Variants in NKAIN2 observed in about 807,000 individuals in gnomAD.
NKAIN2 encodes sodium/potassium transporting ATPase interacting 2.
Under a neutral mutation model 32.6 loss-of-function variants are expected in NKAIN2, and 14 were observed. The ratio of observed to expected loss-of-function variants is 0.43; its 90% CI spans 0.28 to 0.67. NKAIN2 has a LOEUF of 0.67. Ranked by LOEUF, NKAIN2 falls within the 30% of genes least tolerant of loss-of-function variation. The pLI is 0.17. For missense variants in NKAIN2, 198 were observed against 258.3 expected, an observed-to-expected ratio of 0.77 and a Z score of 1.60; for synonymous variants, 80 against 87.2, an observed-to-expected ratio of 0.92 and a Z score of 0.46.
intron 1 of NKAIN2, among the ~76,000 whole-genome samples, chr6:124,117,338 T>C (rs1034551237): frequency 1.3e-5 from 2 of 152,156 alleles, no homozygotes; most frequent in Admixed American, 1.3e-4. Context: ...TCTGTTTGAT[T>C]GATAGCATCT....
intron 1 of NKAIN2, among the ~76,000 whole-genome samples, chr6:123,984,177 GA>G (rs1368701646): frequency 5.3e-5 from 8 of 152,252 alleles, no homozygotes; most frequent in Non-Finnish European, 1.0e-4. Flanking sequence ...AAAGTTCTGG[GA>G]TTACAGGCGT....
intron 3 of NKAIN2, among the ~76,000 whole-genome samples, chr6:124,387,998 A>C (rs558591993): frequency 6.6e-6 from 1 of 152,194 alleles, no homozygotes; most frequent in South Asian, 2.1e-4. Context: ...AGAAGGTGCT[A>C]CTATCATGTA....
At chr6:124,069,117 G>A (rs1207231191) in intron 1 of NKAIN2, among the ~76,000 whole-genome samples, 1 of 152,074 alleles carries the variant, frequency 6.6e-6, no homozygotes, top group African/African-American at 2.4e-5. Context: ...GGAATTCTGA[G>A]TAACCATTCT....
At chr6:123,827,152 T>C (rs969011747) in intron 1 of NKAIN2, among the ~76,000 whole-genome samples, 1 of 152,302 alleles carries the variant, frequency 6.6e-6, no homozygotes, top group Admixed American at 6.5e-5. Flanking sequence ...TATGGAGAAA[T>C]GTCTATTCAA....
intron 3 of NKAIN2, among the ~76,000 whole-genome samples, chr6:124,359,360 G>A (rs1256570913): frequency 1.3e-5 from 2 of 152,116 alleles, no homozygotes. Flanking sequence ...AATTACCTTG[G>A]GCAGTATGGC....
At chr6:124,197,153 TTGTC>T (rs936648860) in intron 1 of NKAIN2, among the ~76,000 whole-genome samples, 29 of 152,054 alleles carry the variant, frequency 1.9e-4, no homozygotes, top group South Asian at 2.1e-4. Context: ...ATTATAGTCT[TTGTC>T]TGCTATTTCC....
At chr6:124,525,911 T>C (rs1401433617) in intron 3 of NKAIN2, among the ~76,000 whole-genome samples, 2 of 152,080 alleles carry the variant, frequency 1.3e-5, no homozygotes, top group Admixed American at 6.6e-5. Flanking sequence ...TAAGAAAACT[T>C]ACCAAGCTTC....
intron 1 of NKAIN2, among the ~76,000 whole-genome samples, chr6:124,181,181 C>T (rs1425378325): frequency 6.6e-6 from 1 of 152,102 alleles, no homozygotes; most frequent in Non-Finnish European, 1.5e-5. Context: ...AACCATGGCC[C>T]CAGCTGCACC....
At chr6:123,883,039 A>T (rs1462843225) in intron 1 of NKAIN2, among the ~76,000 whole-genome samples, 1 of 152,078 alleles carries the variant, frequency 6.6e-6, no homozygotes, top group Non-Finnish European at 1.5e-5. Flanking sequence ...GTCCTTGCCC[A>T]AATCTCATGT....
chr6:124,694,793 T>C (rs1774418840), intron 4 of NKAIN2, among the ~76,000 whole-genome samples: 1 of 152,196 alleles, frequency 6.6e-6, no homozygotes, highest in South Asian at 2.1e-4. Context: ...AATTGATTTT[T>C]TTACCTAGAA....
chr6:124,042,354 G>A (rs1781908706), intron 1 of NKAIN2, among the ~76,000 whole-genome samples: 1 of 152,024 alleles, frequency 6.6e-6, no homozygotes. Flanking sequence ...CCTCCAGACT[G>A]ACAAATGGTT....
intron 3 of NKAIN2, among the ~76,000 whole-genome samples, chr6:124,500,464 C>G (rs1778243476): frequency 6.6e-6 from 1 of 151,958 alleles, no homozygotes; most frequent in South Asian, 2.1e-4. Context: ...GCCTGGCCAA[C>G]ATGGTGAAAC....
At chr6:124,752,000 A>C (rs550671991) in intron 4 of NKAIN2, among the ~76,000 whole-genome samples, 1 of 151,956 alleles carries the variant, frequency 6.6e-6, no homozygotes, top group African/African-American at 2.4e-5. Flanking sequence ...AACCAACCAA[A>C]CAAAAACCCA....
At chr6:124,806,236 A>G (rs1780549519) in intron 5 of NKAIN2, among the ~76,000 whole-genome samples, 1 of 152,210 alleles carries the variant, frequency 6.6e-6, no homozygotes, top group South Asian at 2.1e-4. Flanking sequence ...GGGCAGCCAG[A>G]GAGAAAGATC....
At chr6:124,673,600 T>A (rs1338890798) in intron 4 of NKAIN2, among the ~76,000 whole-genome samples, 1 of 152,086 alleles carries the variant, frequency 6.6e-6, no homozygotes, top group Non-Finnish European at 1.5e-5. Context: ...TGAGGTGATA[T>A]CTCACTGTGG....
intron 1 of NKAIN2, among the ~76,000 whole-genome samples, chr6:124,089,131 A>G (rs75057422): frequency 0.14 from 20,925 of 151,958 alleles, 1,913 homozygotes; most frequent in Middle Eastern, 0.25. Flanking sequence ...GAGGGGAGAG[A>G]CACTCTTGCT....
intron 5 of NKAIN2, among the ~76,000 whole-genome samples, chr6:124,802,947 C>T (rs1780332366): frequency 6.6e-6 from 1 of 152,170 alleles, no homozygotes; most frequent in Non-Finnish European, 1.5e-5. Context: ...ATCACTTGTG[C>T]TTAGACTTTC....
chr6:123,935,116 TAA>T (rs1776438039), intron 1 of NKAIN2, among the ~76,000 whole-genome samples: 2 of 147,432 alleles, frequency 1.4e-5, no homozygotes, highest in Admixed American at 6.8e-5. Flanking sequence ...TATATTGAAA[TAA>T]ATATGTTAAA....
chr6:124,630,217 G>A lies in NKAIN2; in HGVS notation c.274-27969G>A, dbSNP rs547313088. On this transcript the variant is annotated intron_variant, in intron 3 of 6. Coordinates refer to ENST00000368417, the MANE Select transcript of NKAIN2 (RefSeq NM_001040214.3). ...GATTGGGGAGTGAGGGGAATACTGT[G>A]ATAAAGTTATAAAGCAGAGTGGCTA... 1.5e-3 allele frequency among the ~76,000 whole-genome samples: 222 copies of A among 152,244 alleles called. 1 individual carries two copies. The highest frequency in any genetic ancestry group is 5.3e-3 in the African/African-American group (220 of 41,566).
Sources: gnomAD v4.1 joint callset for allele counts (sites outside exome capture counted in the v4.1 genomes callset) on GRCh38, gnomAD v4.1.1 for gene constraint, MANE v1.5 for transcripts, NCBI Gene and HGNC (gene_info 2026-07-23, HGNC 2026-07-21) for gene names.